The following ARHGAP24 variants were observed in gnomAD, a reference collection of about 807,000 sequenced individuals.
ARHGAP24 encodes rho GTPase-activating protein 24.
ARHGAP24 carries 50 observed loss-of-function variants against 76.4 expected under a neutral mutation model. The ratio of observed to expected loss-of-function variants is 0.65; its 90% CI spans 0.52 to 0.83. ARHGAP24 has a LOEUF of 0.83. Among genes scored for constraint, ARHGAP24 ranks in the 40% least tolerant of loss-of-function variants. ARHGAP24 has a pLI of 0.00. For synonymous variants in ARHGAP24, 345 were observed against 323.3 expected (o/e 1.07, Z -0.72); for missense variants, 930 against 914.2 (o/e 1.02, Z -0.22).
intron 2 of ARHGAP24, among the ~76,000 whole-genome samples, chr4:85,693,265 C>T (rs1172238744): frequency 2.0e-5 from 3 of 152,184 alleles, no homozygotes; most frequent in Non-Finnish European, 4.4e-5. Context: ...GGAGCACCCT[C>T]CAATCACTGG....
intron 2 of ARHGAP24, among the ~76,000 whole-genome samples, chr4:85,630,814 C>T (rs1721134426): frequency 6.6e-6 from 1 of 151,644 alleles, no homozygotes; most frequent in Non-Finnish European, 1.5e-5. Flanking sequence ...GCATCTTTTT[C>T]TACATTTCTA....
At chr4:85,568,026 T>A (rs1207669713) in intron 1 of ARHGAP24, among the ~76,000 whole-genome samples, 1 of 152,216 alleles carries the variant, frequency 6.6e-6, no homozygotes, top group Non-Finnish European at 1.5e-5. Flanking sequence ...CAATTTGTCA[T>A]TGACTTCGGT....
intron 2 of ARHGAP24, among the ~76,000 whole-genome samples, chr4:85,620,638 CTATT>C (rs993559219): frequency 1.3e-4 from 20 of 151,846 alleles, no homozygotes; most frequent in African/African-American, 4.6e-4. Flanking sequence ...TTTCTTATCT[CTATT>C]TCATTTATTT....
intron 1 of ARHGAP24, among the ~76,000 whole-genome samples, chr4:85,531,998 G>A (rs541088258): frequency 2.0e-5 from 3 of 152,098 alleles, no homozygotes; most frequent in East Asian, 3.9e-4. Context: ...GTATTTGAAG[G>A]TCAGATAAAA....
chr4:85,506,948 A>T (rs1357779590), intron 1 of ARHGAP24, among the ~76,000 whole-genome samples: 1 of 152,152 alleles, frequency 6.6e-6, no homozygotes, highest in East Asian at 1.9e-4. Context: ...TAAAACACAC[A>T]TTTAGAAAAC....
intron 1 of ARHGAP24, among the ~76,000 whole-genome samples, chr4:85,526,927 C>A (rs1348053139): frequency 6.6e-6 from 1 of 152,148 alleles, no homozygotes; most frequent in Non-Finnish European, 1.5e-5. Flanking sequence ...TACACATAAT[C>A]TGTACATTTG....
intron 1 of ARHGAP24, among the ~76,000 whole-genome samples, chr4:85,567,751 C>T (rs1726904568): frequency 6.6e-6 from 1 of 152,168 alleles, no homozygotes. Context: ...CCAGCATCCT[C>T]ATTTTAAAGA....
At chr4:85,521,130 A>T (rs376462210) in intron 1 of ARHGAP24, among the ~76,000 whole-genome samples, 1 of 152,190 alleles carries the variant, frequency 6.6e-6, no homozygotes, top group Admixed American at 6.6e-5. Context: ...GCCTCATTCA[A>T]TGATGCCCAG....
chr4:85,722,283 A>T (rs899477598), intron 3 of ARHGAP24: 2 of 306,970 alleles, frequency 6.5e-6, no homozygotes, highest in African/African-American at 2.2e-5. Context: ...CGCTCTTGTG[A>T]TGTGAAATTT....
rs930337617 is a variant in ARHGAP24 at position 85,505,173 on chromosome 4, C to T, written c.-21+29614C>T. On this transcript the variant is annotated intron_variant, in intron 1 of 9. Transcript: ENST00000395184. The stretch of plus-strand genomic sequence containing the variant: ...TTAACATTTTTTCCTTCATTTCAAC[C>T]TTGGTGAATCTGACAATTATGTGTC... Among the ~76,000 whole-genome samples, 9 of 152,074 alleles carry T rather than the reference C, an allele frequency of 5.9e-5. No individual in the cohort carries two copies. In the South Asian group the frequency reaches 1.7e-3, roughly 28 times the overall value.
chr4:85,586,528 C>T (rs1727867343), intron 2 of ARHGAP24, among the ~76,000 whole-genome samples: 1 of 152,130 alleles, frequency 6.6e-6, no homozygotes, highest in Non-Finnish European at 1.5e-5. Context: ...TACGATGTTA[C>T]ATCTATCATT....
intron 5 of ARHGAP24, among the ~76,000 whole-genome samples, chr4:85,959,063 A>ACTT: frequency 6.6e-6 from 1 of 152,196 alleles, no homozygotes; most frequent in East Asian, 1.9e-4. Context: ...TTATTAGGAA[A>ACTT]GTAATGGAAT....
intron 2 of ARHGAP24, among the ~76,000 whole-genome samples, chr4:85,595,307 A>G (rs542228086): frequency 3.9e-5 from 6 of 152,214 alleles, no homozygotes; most frequent in African/African-American, 1.4e-4. Context: ...CCAAGGGTAC[A>G]TTCTGTTTGT....
chr4:85,834,545 C>T (rs78815966), intron 3 of ARHGAP24, among the ~76,000 whole-genome samples: 11,805 of 152,152 alleles, frequency 0.078, 813 homozygotes, highest in East Asian at 0.38. Context: ...GTATCTGTTA[C>T]AACATCCCAT....
intron 2 of ARHGAP24, among the ~76,000 whole-genome samples, chr4:85,640,344 A>G (rs7669207): frequency 0.33 from 49,958 of 151,960 alleles, 9,261 homozygotes; most frequent in East Asian, 0.84. Context: ...TGCTCTCTCC[A>G]TGCCACTCCC....
At chr4:85,990,459 A>G (rs1740256217) in intron 8 of ARHGAP24, 1 of 151,882 alleles carries the variant, frequency 6.6e-6, no homozygotes, top group African/African-American at 2.4e-5. Flanking sequence ...CAGGGAAATA[A>G]AAGCTATCTA....
intron 5 of ARHGAP24, among the ~76,000 whole-genome samples, chr4:85,953,274 CTTT>C (rs918446210): frequency 3.3e-5 from 5 of 152,188 alleles, no homozygotes; most frequent in African/African-American, 1.2e-4. Context: ...CCTTGTTCCT[CTTT>C]CTGCTATTCT....
chr4:85,782,071 A>C (rs1333615508), intron 3 of ARHGAP24, among the ~76,000 whole-genome samples: 1 of 149,460 alleles, frequency 6.7e-6, no homozygotes, highest in African/African-American at 2.4e-5. Flanking sequence ...AAGAAAAAAA[A>C]AACAATTGTC....
At chr4:85,744,185 C>T (rs1036379116) in intron 3 of ARHGAP24, among the ~76,000 whole-genome samples, 7 of 152,146 alleles carry the variant, frequency 4.6e-5, no homozygotes, top group Non-Finnish European at 8.8e-5. Context: ...AACATAGAAG[C>T]CATGTTCTAC....
Sources: gnomAD v4.1 joint callset for allele counts (sites outside exome capture counted in the v4.1 genomes callset) on GRCh38, gnomAD v4.1.1 for gene constraint, MANE v1.5 for transcripts, NCBI Gene and HGNC (gene_info 2026-07-23, HGNC 2026-07-21) for gene names.